ADGRB3: variants seen among roughly 807,000 people sequenced by gnomAD.
ADGRB3 encodes the protein adhesion G protein-coupled receptor B3, also known as brain-specific angiogenesis inhibitor 3.
ADGRB3 carries 37 observed loss-of-function variants against 193.4 expected under a neutral mutation model. The ratio of observed to expected loss-of-function variants is 0.19; its 90% CI spans 0.15 to 0.25. ADGRB3 has a LOEUF of 0.25. Among genes scored for constraint, ADGRB3 ranks in the 10% least tolerant of loss-of-function variants. The pLI is 1.00. For synonymous variants in ADGRB3, 690 were observed against 644.2 expected, an observed-to-expected ratio of 1.07 and a Z score of -1.08; for missense variants, 1,637 against 1,852.9, an observed-to-expected ratio of 0.88 and a Z score of 2.14.
chr6:68,825,449 C>T (rs981035266), intron 3 of ADGRB3, among the ~76,000 whole-genome samples: 2 of 151,274 alleles, frequency 1.3e-5, no homozygotes, highest in Non-Finnish European at 2.9e-5. Flanking sequence ...GGAATGCATA[C>T]ATATATGCAT....
At chr6:69,151,001 G>T (rs1041541572) in intron 17 of ADGRB3, among the ~76,000 whole-genome samples, 1 of 152,206 alleles carries the variant, frequency 6.6e-6, no homozygotes, top group Non-Finnish European at 1.5e-5. Context: ...TCCACATTAT[G>T]CTTTCTTCTC....
intron 20 of ADGRB3, among the ~76,000 whole-genome samples, chr6:69,297,939 A>G (rs1767864859): frequency 6.6e-6 from 1 of 152,068 alleles, no homozygotes; most frequent in Admixed American, 6.6e-5. Flanking sequence ...ATCCTACTCT[A>G]CTATGTACTA....
chr6:68,983,781 G>A (rs1490914094), intron 10 of ADGRB3, among the ~76,000 whole-genome samples: 1 of 152,064 alleles, frequency 6.6e-6, no homozygotes, highest in Non-Finnish European at 1.5e-5. Context: ...AAGGAAATTA[G>A]CAGGGTGCCA....
chr6:68,767,475 T>A (rs1009168788), intron 3 of ADGRB3, among the ~76,000 whole-genome samples: 2 of 152,166 alleles, frequency 1.3e-5, no homozygotes, highest in African/African-American at 4.8e-5. Context: ...AAAATGTCTT[T>A]GATATAATTC....
In ADGRB3 at chr6:68,702,208, AAGAGAG is replaced by A. The variant is rs140234329; in HGVS notation, c.757+62793_757+62798del. On this transcript the variant is annotated intron_variant, in intron 3 of 31. Transcript: ENST00000370598. ...TCACATGGCAAGAACAGGAGCGAGA[AAGAGAG>A]AGAGAGAGAGAGAGAGGAGAGGGAG... Among the ~76,000 whole-genome samples, 266 of 149,152 alleles carry A rather than the reference AAGAGAG, an allele frequency of 1.8e-3. 2 individuals are homozygous for A. Among genetic ancestry groups the A allele is most frequent in the African/African-American group, 5.9e-3 (239 of 40,638 alleles).
At chr6:68,939,470 GAGA>G (rs535005446) in intron 5 of ADGRB3, among the ~76,000 whole-genome samples, 352 of 152,214 alleles carry the variant, frequency 2.3e-3, no homozygotes, top group African/African-American at 7.8e-3. Context: ...TAGTACCATT[GAGA>G]AGAAGTTTAT....
chr6:69,062,209 A>G (rs1000518433), intron 15 of ADGRB3, among the ~76,000 whole-genome samples: 3 of 151,960 alleles, frequency 2.0e-5, no homozygotes, highest in Admixed American at 1.3e-4. Context: ...GTGAAAACCT[A>G]CATATACTAG....
intron 17 of ADGRB3, among the ~76,000 whole-genome samples, chr6:69,193,176 C>T (rs1765230410): frequency 6.6e-6 from 1 of 152,120 alleles, no homozygotes; most frequent in Non-Finnish European, 1.5e-5. Context: ...CCTTTCCTCT[C>T]TTACAGTAAA....
chr6:69,092,204 C>T (rs1772729780), intron 17 of ADGRB3, among the ~76,000 whole-genome samples: 1 of 152,202 alleles, frequency 6.6e-6, no homozygotes, highest in African/African-American at 2.4e-5. Flanking sequence ...AGGCTTGAGT[C>T]ATCTGTCCTA....
intron 17 of ADGRB3, among the ~76,000 whole-genome samples, chr6:69,111,971 G>T (rs1055623700): frequency 1.3e-5 from 2 of 152,192 alleles, no homozygotes; most frequent in Admixed American, 1.3e-4. Context: ...TTTTTGCATG[G>T]GCAGGAACTG....
intron 3 of ADGRB3, among the ~76,000 whole-genome samples, chr6:68,814,805 A>T (rs1005232111): frequency 6.6e-6 from 1 of 152,188 alleles, no homozygotes; most frequent in African/African-American, 2.4e-5. Context: ...AGTGGGCTTC[A>T]TCCCTGGGAT....
At chr6:68,927,263 C>G (rs548748824) in intron 3 of ADGRB3, among the ~76,000 whole-genome samples, 1 of 152,102 alleles carries the variant, frequency 6.6e-6, no homozygotes, top group East Asian at 1.9e-4. Context: ...TGGTTATGTT[C>G]TTTTTCTCGT....
At chr6:68,946,919 G>A (rs903316743) in intron 6 of ADGRB3, among the ~76,000 whole-genome samples, 1 of 152,108 alleles carries the variant, frequency 6.6e-6, no homozygotes, top group Non-Finnish European at 1.5e-5. Flanking sequence ...ATACCTATAA[G>A]TAGATAATAT....
intron 3 of ADGRB3, among the ~76,000 whole-genome samples, chr6:68,664,396 A>T (rs1214194412): frequency 2.6e-5 from 4 of 151,920 alleles, no homozygotes; most frequent in Admixed American, 6.6e-5. Context: ...CAATTAGTTC[A>T]TGAGAATGGA....
chr6:69,304,207 G>A (rs1354938558), intron 20 of ADGRB3, among the ~76,000 whole-genome samples: 2 of 151,628 alleles, frequency 1.3e-5, no homozygotes, highest in Admixed American at 6.6e-5. Flanking sequence ...TTAAATATTT[G>A]GGTTGCTGAT....
At position 69,043,290 on chromosome 6, in the gene ADGRB3, G is replaced by GAGAGAAGGAAAGAAAGAA. The variant is rs1554252049; in HGVS notation, c.2108-4892_2108-4891insGAAGGAAAGAAAGAAAGA. ...GGAAAGAAAAGGAAAGGAAGAAAGA[G>GAGAGAAGGAAAGAAAGAA]AGAAAGAAAGAAAGAAAGAAAGAAA... On this transcript the variant is annotated intron_variant, in intron 13 of 31. Transcript: ENST00000370598. 5.7e-5 allele frequency among the ~76,000 whole-genome samples: 5 copies of GAGAGAAGGAAAGAAAGAA among 88,032 alleles called. No individual in the cohort carries two copies. In the East Asian group the frequency reaches 1.1e-3, roughly 19 times the overall value. 57.8% of individuals were successfully genotyped at this position (88,032 alleles called of 152,430 possible). A position where few individuals can be genotyped will look rare whatever the true frequency, so the allele number is the denominator to read the frequency against.
At chr6:68,867,404 AG>A (rs1765326730) in intron 3 of ADGRB3, among the ~76,000 whole-genome samples, 1 of 152,190 alleles carries the variant, frequency 6.6e-6, no homozygotes, top group Non-Finnish European at 1.5e-5. Flanking sequence ...TAGATTTCAG[AG>A]GATGTATGGA....
At chr6:69,197,182 CT>C (rs2150356726) in intron 17 of ADGRB3, among the ~76,000 whole-genome samples, 1 of 152,140 alleles carries the variant, frequency 6.6e-6, no homozygotes, top group South Asian at 2.1e-4. Context: ...CTAAATTGAA[CT>C]TTTACTGGTC....
chr6:68,923,947 T>A (rs748458177), intron 3 of ADGRB3, among the ~76,000 whole-genome samples: 1 of 152,104 alleles, frequency 6.6e-6, no homozygotes, highest in Non-Finnish European at 1.5e-5. Flanking sequence ...AGAGTTTTAG[T>A]CTGCTGTAAA....
Sources: allele counts gnomAD v4.1 joint callset (sites outside exome capture counted in the v4.1 genomes callset), GRCh38; gene constraint gnomAD v4.1.1; transcripts MANE v1.5; gene names NCBI Gene and HGNC (gene_info 2026-07-23, HGNC 2026-07-21).